RIN2: variants seen among roughly 807,000 people sequenced by gnomAD.
RIN2 encodes the protein RAB5 interacting protein 2.
In RIN2, 36 loss-of-function variants were observed where a neutral mutation model predicts 78.0. That is an observed-to-expected ratio of 0.46 (90% CI 0.35 to 0.61). The LOEUF is 0.61. Ranked by LOEUF, RIN2 falls within the 20% of genes least tolerant of loss-of-function variation. RIN2 has a pLI of 0.00. For missense variants in RIN2, 1,087 were observed against 1,159.7 expected, an observed-to-expected ratio of 0.94 and a Z score of 0.91; for synonymous variants, 466 against 466.8, an observed-to-expected ratio of 1.00 and a Z score of 0.02.
chr20:19,926,525 A>C (rs2040229098), intron 3 of RIN2, among the ~76,000 whole-genome samples: 1 of 152,010 alleles, frequency 6.6e-6, no homozygotes, highest in Non-Finnish European at 1.5e-5. Flanking sequence ...AAACCCCAAC[A>C]TGAGAGGTAC....
At chr20:19,799,248 C>T (rs529956559) in intron 1 of RIN2, among the ~76,000 whole-genome samples, 163 of 152,220 alleles carry the variant, frequency 1.1e-3, no homozygotes, top group African/African-American at 3.9e-3. Context: ...GAATCCTAGA[C>T]TAGAAGATTT....
At chr20:19,844,679 CTT>C (rs1491309857) in intron 2 of RIN2, among the ~76,000 whole-genome samples, 90 of 59,816 alleles carry the variant, frequency 1.5e-3, no homozygotes, top group South Asian at 4.0e-3. Context: ...CCTTCTTCTT[CTT>C]CTTCCTCTTC....
intron 1 of RIN2, among the ~76,000 whole-genome samples, chr20:19,798,839 G>C (rs1282087162): frequency 6.6e-6 from 1 of 152,122 alleles, no homozygotes; most frequent in Non-Finnish European, 1.5e-5. Context: ...ATGTACTTAG[G>C]TAATTTTGAA....
At chr20:19,782,555 T>TAAA (rs781338372) in intron 1 of RIN2, among the ~76,000 whole-genome samples, 3 of 134,926 alleles carry the variant, frequency 2.2e-5, no homozygotes, top group African/African-American at 5.4e-5. Context: ...GACTCTGTCT[T>TAAA]AAAAAAAAAA....
chr20:19,834,965 G>GAA (rs1426474361), intron 2 of RIN2, among the ~76,000 whole-genome samples: 1 of 148,574 alleles, frequency 6.7e-6, no homozygotes, highest in Non-Finnish European at 1.5e-5. Context: ...GAGAGAGAGA[G>GAA]AGAAAGAAAG....
At chr20:19,912,478 T>TTC (rs199540325) in intron 3 of RIN2, among the ~76,000 whole-genome samples, 3,989 of 140,956 alleles carry the variant, frequency 0.028, 187 homozygotes, top group African/African-American at 0.1. Context: ...TCTTTTTCTT[T>TTC]TTTTTTTTTT....
chr20:19,788,406 C>A (rs1471062297), intron 1 of RIN2, among the ~76,000 whole-genome samples: 1 of 138,846 alleles, frequency 7.2e-6, no homozygotes, highest in Non-Finnish European at 1.5e-5. Flanking sequence ...ACTAGCCTGG[C>A]CAACATGGCG....
chr20:19,910,541 AT>A (rs1030101674), intron 3 of RIN2, among the ~76,000 whole-genome samples: 264 of 117,104 alleles, frequency 2.3e-3, no homozygotes, highest in African/African-American at 8.2e-3. Flanking sequence ...TATTGTTTGA[AT>A]TTTTTTTTCT....
chr20:19,856,921 A>G (rs751497083), intron 2 of RIN2, among the ~76,000 whole-genome samples: 2 of 152,184 alleles, frequency 1.3e-5, no homozygotes, highest in African/African-American at 4.8e-5. Context: ...AAGCCTTTAT[A>G]TATACATACT....
chr20:19,933,109 T>G (rs1318956031), intron 3 of RIN2, among the ~76,000 whole-genome samples: 2 of 152,204 alleles, frequency 1.3e-5, no homozygotes, highest in African/African-American at 4.8e-5. Flanking sequence ...CCACTGTAGT[T>G]GCTCCTAACT....
At chr20:19,826,474 T>G (rs2036092597) in intron 2 of RIN2, among the ~76,000 whole-genome samples, 1 of 152,210 alleles carries the variant, frequency 6.6e-6, no homozygotes, top group Non-Finnish European at 1.5e-5. Context: ...ATAGCAAGGA[T>G]GTAATTAGCA....
At chr20:19,777,760 G>A (rs1053168000) in intron 1 of RIN2, among the ~76,000 whole-genome samples, 14 of 152,244 alleles carry the variant, frequency 9.2e-5, no homozygotes, top group Admixed American at 6.5e-4. Context: ...ATTGTGAAAT[G>A]CTGTGAATAA....
intron 3 of RIN2, among the ~76,000 whole-genome samples, chr20:19,931,797 AT>A: frequency 6.7e-6 from 1 of 149,580 alleles, no homozygotes; most frequent in Middle Eastern, 3.4e-3. Flanking sequence ...TGGTTCATTA[AT>A]TTTTAACTGC....
At chr20:19,764,388 C>T (rs1460778595) in intron 1 of RIN2, among the ~76,000 whole-genome samples, 1 of 152,102 alleles carries the variant, frequency 6.6e-6, no homozygotes, top group Admixed American at 6.5e-5. Context: ...CAGGATCCCA[C>T]ACCAGGGGAA....
chr20:19,775,245 A>G (rs2122464091), intron 1 of RIN2, among the ~76,000 whole-genome samples: 1 of 152,348 alleles, frequency 6.6e-6, no homozygotes, highest in Non-Finnish European at 1.5e-5. Context: ...CCTAGGGTTA[A>G]CTCGTGTAAT....
intron 1 of RIN2, among the ~76,000 whole-genome samples, chr20:19,794,115 A>G (rs1600471273): frequency 1.6e-4 from 1 of 6,370 alleles, no homozygotes; most frequent in Non-Finnish European, 2.5e-4. Flanking sequence ...TATACCCAAG[A>G]TCACAAGGAT....
At chr20:19,794,187 T>G (rs138370543) in intron 1 of RIN2, among the ~76,000 whole-genome samples, 26 of 152,242 alleles carry the variant, frequency 1.7e-4, no homozygotes, top group African/African-American at 6.0e-4. Flanking sequence ...AAGGCTTTAG[T>G]GAGAGATGAA....
chr20:19,778,893 G>C (rs890507614), intron 1 of RIN2, among the ~76,000 whole-genome samples: 2 of 152,070 alleles, frequency 1.3e-5, no homozygotes, highest in African/African-American at 2.4e-5. Context: ...ACAACTCCTG[G>C]GATTCCCCTT....
intron 2 of RIN2, among the ~76,000 whole-genome samples, chr20:19,850,990 AAAGGAAGGAAGGAAGGAAGGAAGG>A (rs199637524): frequency 0.1 from 10,352 of 99,294 alleles, 596 homozygotes; most frequent in South Asian, 0.21. Flanking sequence ...GAAAGGGAGA[AAAGGAAGGAAGGAAGGAAGGAAGG>A]AAGGAAGGAA....
Sources: allele counts gnomAD v4.1 joint callset (sites outside exome capture counted in the v4.1 genomes callset), GRCh38; gene constraint gnomAD v4.1.1; transcripts MANE v1.5; gene names NCBI Gene and HGNC (gene_info 2026-07-23, HGNC 2026-07-21).